JPH4: variants seen among roughly 807,000 people sequenced by gnomAD.
JPH4 encodes junctophilin 4.
A neutral mutation model predicts 57.6 loss-of-function variants in JPH4; 18 were observed. The ratio of observed to expected loss-of-function variants is 0.31; its 90% CI spans 0.22 to 0.46. JPH4 has a LOEUF of 0.46. Among genes scored for constraint, JPH4 ranks in the 20% least tolerant of loss-of-function variants. The pLI is 1.00. For missense variants in JPH4, 727 were observed against 911.1 expected, an observed-to-expected ratio of 0.80 and a Z score of 2.60; for synonymous variants, 425 against 406.6, an observed-to-expected ratio of 1.05 and a Z score of -0.54.
Position 23,570,996 on chromosome 14 carries a change from C to A in JPH4, c.1735G>T (p.Gly579Cys). ...MLVLRGSSSR[G>C]PDAGCLTEEL... is the part of the protein sequence containing the mutation. ...TCTGTCAGGCACCCAGCATCAGGAC[C>A]CCTCGAGGACGAGCCCCTCAGGACC... Residue 579 changes from glycine (G) to cysteine (C), a missense_variant, in exon 5 of 6, where the codon GGT (glycine) becomes TGT (cysteine). Physicochemically the swap from Gly to Cys is radical, Grantham distance 159. Transcript: ENST00000356300. 2 of 1,547,936 alleles carry A rather than the reference C, an allele frequency of 1.3e-6. No homozygotes were observed. The highest frequency in any genetic ancestry group is 1.7e-6 in the Non-Finnish European group (2 of 1,146,720).
chr14:23,576,657 C>A lies in JPH4; in HGVS notation c.380-201G>T, dbSNP rs1889280903. 6.6e-6 allele frequency among the ~76,000 whole-genome samples: 1 copy of A among 152,076 alleles called. No individual in the cohort carries two copies. The highest frequency in any genetic ancestry group is 1.5e-5 in the Non-Finnish European group (1 of 68,008). On this transcript the variant is annotated intron_variant, in intron 2 of 5. Coordinates refer to ENST00000356300, the MANE Select transcript of JPH4 (RefSeq NM_001146028.2). The surrounding 1 kb of genome is among the most constrained non-coding windows in gnomAD (Gnocchi z 8.0). ...TGTGGGAGAGCAGAGTGAAGACGGG[C>A]AGGTAGCAGGAGCCCTACGTGGATT...
rs1888983145 is a variant in JPH4, at chr14:23,569,188, T to C, written c.*446A>G. On this transcript the variant is annotated 3_prime_UTR_variant, in exon 6 of 6. Transcript: ENST00000356300. The surrounding 1 kb of genome is among the most constrained non-coding windows in gnomAD (Gnocchi z 4.8). Reference sequence around the variant, plus strand: ...AGCCAGTGCCTTGCCCGACATTCAATCACTCCTTCTTCATTTTCTTCCTCC... The same window carrying C: ...AGCCAGTGCCTTGCCCGACATTCAACCACTCCTTCTTCATTTTCTTCCTCC... 5.0e-6 allele frequency: 1 copy of C among 201,552 alleles called. No homozygotes were observed. Among genetic ancestry groups the C allele is most frequent in the Admixed American group, 5.3e-5 (1 of 18,738 alleles). 12.5% of individuals were successfully genotyped at this position (201,552 alleles called of 1,614,324 possible).
chr14:23,570,870 A>G, intron 5 of JPH4, 58 bp downstream of exon 5: 1 of 1,434,800 alleles, frequency 7.0e-7, no homozygotes, highest in East Asian at 2.5e-5. Context: ...AGTTCTGGAA[A>G]GGGTGGGAGG....
At chr14:23,572,373 C>A (rs1478304375) in intron 3 of JPH4, among the ~76,000 whole-genome samples, 3 of 151,788 alleles carry the variant, frequency 2.0e-5, no homozygotes, top group African/African-American at 7.3e-5. Flanking sequence ...TTGTTACTAA[C>A]CCCTCTCACC....
chr14:23,577,771 T>G lies in JPH4; in HGVS notation c.-171-147A>C. 4.1e-6 allele frequency: 1 copy of G among 243,734 alleles called. No homozygotes were observed. Among genetic ancestry groups the G allele is most frequent in the African/African-American group, 2.2e-5 (1 of 44,708 alleles). 15.1% of individuals were successfully genotyped at this position (243,734 alleles called of 1,614,324 possible). A position where few individuals can be genotyped will look rare whatever the true frequency, so the allele number is the denominator to read the frequency against. On this transcript the variant is annotated intron_variant, in intron 1 of 5. Coordinates refer to ENST00000356300, the MANE Select transcript of JPH4 (RefSeq NM_001146028.2). The surrounding 1 kb of genome is among the most constrained non-coding windows in gnomAD (Gnocchi z 8.4). The stretch of plus-strand genomic sequence containing the variant: ...AGCATCTTCCAGCAGCCCCCAAGCT[T>G]TGGGGGAATGGGGGCTTCCCCCATT...
intron 5 of JPH4, 80 bp downstream of exon 5, chr14:23,570,848 C>T (rs77802464): frequency 1.3e-5 from 18 of 1,345,234 alleles, no homozygotes; most frequent in Admixed American, 6.8e-5. Context: ...AAAGCCCCCC[C>T]GGTGATCAGA....
At position 23,568,617 on chromosome 14, in the gene JPH4, T is replaced by C; in HGVS notation, c.*1017A>G. 2 of 985,904 alleles carry C rather than the reference T, an allele frequency of 2.0e-6. No individual in the cohort carries two copies. The highest frequency in any genetic ancestry group is 2.4e-6 in the Non-Finnish European group (2 of 829,950). The allele number at this position is 985,904 out of a possible 1,614,324, so 61.1% of individuals were successfully genotyped here. A position where few individuals can be genotyped will look rare whatever the true frequency, so the allele number is the denominator to read the frequency against. ...AAACTTGTCACAGCTTCTGCTTCCA[T>C]GTGAGCTCCTGTTATCTTGTCTGGT... is the stretch of plus-strand genomic sequence containing the variant. On this transcript the variant is annotated 3_prime_UTR_variant, in exon 6 of 6. Transcript: ENST00000356300.
At position 23,577,369 on chromosome 14, in the gene JPH4, C is replaced by T; in HGVS notation, c.85G>A (p.Val29Met). Residue 29 changes from valine (V) to methionine (M), a missense_variant, in exon 2 of 6, where the codon GTG becomes ATG. Val to Met is a conservative substitution (Grantham distance 21). This residue lies in a region of JPH4 where 83 missense variants were observed against 135.4 expected (regional missense o/e 0.61). Coordinates refer to ENST00000356300, the MANE Select transcript of JPH4 (RefSeq NM_001146028.2). This position sits in a 1 kb window ranked among gnomAD's most constrained non-coding sequence, Gnocchi z 8.4. Reference protein sequence around the residue: ...WEAGRAHGYGVCTGPGAQGEY... With the variant: ...WEAGRAHGYGMCTGPGAQGEY... ...CCCTGGGCGCCGGGGCCCGTGCACA[C>T]GCCGTAGCCATGTGCCCGCCCCGCC... 2.0e-6 allele frequency: 3 copies of T among 1,513,752 alleles called. No individual in the cohort carries two copies. Among genetic ancestry groups the T allele is most frequent in the Admixed American group, 2.0e-5 (1 of 48,920 alleles). The allele number at this position is 1,513,752 out of a possible 1,614,324, so 93.8% of individuals were successfully genotyped here.
Position 23,571,972 on chromosome 14 carries a change from G to C in JPH4, c.1152-52C>G, listed in dbSNP as rs766906166. ...GCAGAACTTCCCCCACTTCAAGTTA[G>C]TCCCTGCTCAGATGCTCCAGCCCCC... On this transcript the variant is annotated intron_variant, in intron 3 of 5. Transcript: ENST00000356300. The surrounding 1 kb of genome is among the most constrained non-coding windows in gnomAD (Gnocchi z 4.6). The C allele has an allele frequency of 1.5e-5, 23 of 1,536,992 alleles. No individual in the cohort carries two copies. The highest frequency in any genetic ancestry group is 1.9e-5 in the Non-Finnish European group (21 of 1,119,658).
rs1257023010 is a variant in JPH4, at chr14:23,570,447, C to T, written c.1803+481G>A. 8.8e-5 allele frequency among the ~76,000 whole-genome samples: 13 copies of T among 147,516 alleles called. No homozygotes were observed. In the Admixed American group the frequency reaches 8.9e-4, roughly 10 times the overall value. On this transcript the variant is annotated intron_variant, in intron 5 of 5. Transcript: ENST00000356300. Reference sequence around the variant, plus strand: ...AGTGCAGTGGCGCGATCTCAGCTCACTGCAGGCTCCGCCTCCCGGGTTCAC... The same window carrying T: ...AGTGCAGTGGCGCGATCTCAGCTCATTGCAGGCTCCGCCTCCCGGGTTCAC...
At position 23,568,476 on chromosome 14, in the gene JPH4, C is replaced by G. The variant is rs1888897799; in HGVS notation, c.*1158G>C. 7.1e-6 allele frequency: 7 copies of G among 985,682 alleles called. No homozygotes were observed. Among genetic ancestry groups the G allele is most frequent in the African/African-American group, 1.7e-5 (1 of 57,254 alleles). The allele number at this position is 985,682 out of a possible 1,614,324, so 61.1% of individuals were successfully genotyped here. On this transcript the variant is annotated 3_prime_UTR_variant, in exon 6 of 6. Transcript: ENST00000356300. ...CACCCGGGTTTGACTCCCACCTCTG[C>G]CCTGCCTGGGAAGCATGTGAGATCA...
In JPH4 at chr14:23,576,725, G is replaced by A. The variant is rs1463779911; in HGVS notation, c.380-269C>T. ...CAGGGGAAACGGGGAGGGCCCGGCA[G>A]GCATGCGAAGGACAGGCTGGTCAGG... On this transcript the variant is annotated intron_variant, in intron 2 of 5. Coordinates refer to ENST00000356300, the MANE Select transcript of JPH4 (RefSeq NM_001146028.2). This position sits in a 1 kb window ranked among gnomAD's most constrained non-coding sequence, Gnocchi z 8.0. 6.6e-6 allele frequency among the ~76,000 whole-genome samples: 1 copy of A among 152,148 alleles called. No homozygotes were observed. Among genetic ancestry groups the A allele is most frequent in the African/African-American group, 2.4e-5 (1 of 41,444 alleles).
rs576694785 is a variant in JPH4, at chr14:23,576,029, C to G, written c.807G>C (p.Ala269=). The change falls in exon 3 of 6, where the codon GCG becomes GCC. Residue 269 remains alanine (A), a synonymous_variant. Coordinates refer to ENST00000356300, the MANE Select transcript of JPH4 (RefSeq NM_001146028.2). The surrounding 1 kb of genome is among the most constrained non-coding windows in gnomAD (Gnocchi z 8.0). ...GSEASGPPAA[A]PPALIEGSAT... ...CCGAGCCCTCGATGAGGGCGGGCGG[C>G]GCTGCGGCCGGGGGCCCGCTGGCCT... is the stretch of plus-strand genomic sequence containing the variant. 3 of 1,336,184 alleles carry G rather than the reference C, an allele frequency of 2.2e-6. No individual in the cohort carries two copies. Among genetic ancestry groups the G allele is most frequent in the Non-Finnish European group, 2.9e-6 (3 of 1,049,632 alleles). 82.8% of individuals were successfully genotyped at this position (1,336,184 alleles called of 1,614,324 possible).
chr14:23,574,320 A>G (rs1251376200), intron 3 of JPH4, among the ~76,000 whole-genome samples: 4 of 152,032 alleles, frequency 2.6e-5, no homozygotes, highest in East Asian at 3.9e-4. Context: ...GATTACAGGA[A>G]CCTGCCACCA....
In JPH4 at chr14:23,576,061, C is replaced by A; in HGVS notation, c.775G>T (p.Gly259Cys). ...GCCGGGGGCCCGCTGGCCTCCGAGC[C>A]GGGCGGTCCGGTGCTGCCCACCTCG... The part of the protein sequence containing the change: ...SSEVGSTGPP[G>C]SEASGPPAAA... The change falls in exon 3 of 6, where the codon GGC becomes TGC. Residue 259 changes from glycine to cysteine, a missense_variant. Physicochemically the swap from Gly to Cys is radical, Grantham distance 159. This residue lies in a region of JPH4 where 131 missense variants were observed against 156.5 expected (regional missense o/e 0.84). Transcript: ENST00000356300. This position sits in a 1 kb window ranked among gnomAD's most constrained non-coding sequence, Gnocchi z 8.0. The A allele has an allele frequency of 7.6e-7, 1 of 1,316,224 alleles. No individual in the cohort carries two copies. Among genetic ancestry groups the A allele is most frequent in the Non-Finnish European group, 9.6e-7 (1 of 1,038,234 alleles). The allele number at this position is 1,316,224 out of a possible 1,614,324, so 81.5% of individuals were successfully genotyped here.
chr14:23,575,750 C>G lies in JPH4; in HGVS notation c.1086G>C (p.Arg362Ser). 6.3e-7 allele frequency: 1 copy of G among 1,594,762 alleles called. No homozygotes were observed. Among genetic ancestry groups the G allele is most frequent in the South Asian group, 1.1e-5 (1 of 88,404 alleles). ...CGGCTCGACGGGCGCCCTCGACAGC[C>G]CTGTCCACCTTCTCCTTAACCTTGC... is the stretch of plus-strand genomic sequence containing the variant. ...RRGKVKEKVD[R>S]AVEGARRAVS... The change falls in exon 3 of 6, where the codon AGG becomes AGC. Residue 362 changes from arginine to serine, a missense_variant. Transcript: ENST00000356300. This position sits in a 1 kb window ranked among gnomAD's most constrained non-coding sequence, Gnocchi z 6.9.
rs1297803501 is a variant in JPH4 at position 23,575,154 on chromosome 14, CT to C, written c.1151+530del. 3 of 154,522 alleles carry C rather than the reference CT, an allele frequency of 1.9e-5. No homozygotes were observed. Among genetic ancestry groups the C allele is most frequent in the African/African-American group, 7.2e-5 (3 of 41,518 alleles). The allele number at this position is 154,522 out of a possible 1,614,324, so 9.6% of individuals were successfully genotyped here. On this transcript the variant is annotated intron_variant, in intron 3 of 5. Transcript: ENST00000356300. This position sits in a 1 kb window ranked among gnomAD's most constrained non-coding sequence, Gnocchi z 6.9. ...GCAGAGGGGGCAAAACTGGGAGAGACTATCTTTTCAGGTGGATAGGTCAGCT... is the reference window on the plus strand; with the variant it reads ...GCAGAGGGGGCAAAACTGGGAGAGACATCTTTTCAGGTGGATAGGTCAGCT...
At position 23,576,215 on chromosome 14, in the gene JPH4, C is replaced by T; in HGVS notation, c.621G>A (p.Ser207=). 7.8e-7 allele frequency: 1 copy of T among 1,275,790 alleles called. No individual in the cohort carries two copies. Among genetic ancestry groups the T allele is most frequent in the South Asian group, 2.6e-5 (1 of 37,820 alleles). 79.0% of individuals were successfully genotyped at this position (1,275,790 alleles called of 1,614,324 possible). Reference sequence around the variant, plus strand: ...CGGCCGCCGGAGTGCGCTTTCGGGACGACGCGCCGTCGGCGTCCCCGGGCC... The same window carrying T: ...CGGCCGCCGGAGTGCGCTTTCGGGATGACGCGCCGTCGGCGTCCCCGGGCC... ...LAGPGDADGA[S]SRKRTPAAGG... Residue 207 remains serine (S), a synonymous_variant, in exon 3 of 6, where the codon TCG becomes TCA. Transcript: ENST00000356300. This position sits in a 1 kb window ranked among gnomAD's most constrained non-coding sequence, Gnocchi z 8.0.
rs936385088 is a variant in JPH4, at chr14:23,568,402, C to A, written c.*1232G>T. The A allele has an allele frequency of 1.0e-6, 1 of 985,772 alleles. No individual in the cohort carries two copies. The highest frequency in any genetic ancestry group is 1.2e-6 in the Non-Finnish European group (1 of 829,970). 61.1% of individuals were successfully genotyped at this position (985,772 alleles called of 1,614,324 possible). The stretch of plus-strand genomic sequence containing the variant: ...CCTGCTCCCAGGGGAAAAACTAATA[C>A]CAGAGAGGGATCAGCCACAACCTCA... On this transcript the variant is annotated 3_prime_UTR_variant, in exon 6 of 6. Coordinates refer to ENST00000356300, the MANE Select transcript of JPH4 (RefSeq NM_001146028.2).
Sources: gnomAD v4.1 joint callset for allele counts (sites outside exome capture counted in the v4.1 genomes callset) on GRCh38, gnomAD v4.1.1 for gene constraint, gnomAD v4.1.1 regional missense constraint, Gnocchi (gnomAD v3.1) non-coding constraint, MANE v1.5 for transcripts, NCBI Gene and HGNC (gene_info 2026-07-23, HGNC 2026-07-21) for gene names.